The following BAIAP2L1 variants were observed in gnomAD, a reference collection of about 807,000 sequenced individuals.
The protein encoded by BAIAP2L1 is BAR/IMD domain-containing adapter protein 2-like 1.
A neutral mutation model predicts 66.3 loss-of-function variants in BAIAP2L1; 35 were observed. The ratio of observed to expected loss-of-function variants is 0.53; its 90% CI spans 0.40 to 0.70. BAIAP2L1 has a LOEUF of 0.70. BAIAP2L1 is among the 30% of genes least tolerant of loss of function. BAIAP2L1 has a pLI of 0.00. For missense variants in BAIAP2L1, 622 were observed against 656.9 expected, an observed-to-expected ratio of 0.95 and a Z score of 0.58; for synonymous variants, 269 against 248.7, an observed-to-expected ratio of 1.08 and a Z score of -0.77.
intron 9 of BAIAP2L1, 157 bp from the exon 10 acceptor site, chr7:98,308,053 G>A (rs1800727726): frequency 1.3e-6 from 1 of 761,544 alleles, no homozygotes; most frequent in African/African-American, 1.7e-5. Context: ...TTTGATCATT[G>A]CCCAGAAGGA....
At chr7:98,325,780 T>G (rs1446795402) in intron 3 of BAIAP2L1, among the ~76,000 whole-genome samples, 1 of 152,066 alleles carries the variant, frequency 6.6e-6, no homozygotes, top group East Asian at 1.9e-4. Context: ...GAGAAAACAG[T>G]GGAAGTAAAA....
chr7:98,344,188 A>G (rs1054309177), intron 3 of BAIAP2L1, among the ~76,000 whole-genome samples: 1 of 152,106 alleles, frequency 6.6e-6, no homozygotes, highest in Non-Finnish European at 1.5e-5. Flanking sequence ...AAAAACAAAC[A>G]AACAACTTTC....
chr7:98,296,398 G>A (rs1800193352), intron 12 of BAIAP2L1, among the ~76,000 whole-genome samples: 1 of 152,202 alleles, frequency 6.6e-6, no homozygotes, highest in Non-Finnish European at 1.5e-5. Flanking sequence ...GGCTGAGGTG[G>A]GCGCATCACC....
At chr7:98,328,679 C>CAAAAA (rs1158387861) in intron 3 of BAIAP2L1, among the ~76,000 whole-genome samples, 1 of 56,670 alleles carries the variant, frequency 1.8e-5, no homozygotes, top group African/African-American at 6.3e-5. Context: ...GATCCCATCT[C>CAAAAA]AAAAAAAAAA....
intron 1 of BAIAP2L1, among the ~76,000 whole-genome samples, chr7:98,400,580 T>C (rs1584515252): frequency 2.0e-5 from 1 of 50,030 alleles, no homozygotes; most frequent in Admixed American, 2.6e-4. Flanking sequence ...GGAGGAAAAG[T>C]AGGGGGGAGG....
In BAIAP2L1 at chr7:98,393,175, A is replaced by ACACATATGTG. The variant is rs1554341929; in HGVS notation, c.51+7626_51+7627insCACATATGTG. Among the ~76,000 whole-genome samples, 520 of 138,124 alleles carry ACACATATGTG rather than the reference A, an allele frequency of 3.8e-3. 14 individuals carry two copies. Among genetic ancestry groups the ACACATATGTG allele is most frequent in the African/African-American group, 0.013 (490 of 37,180 alleles). The allele number at this position is 138,124 out of a possible 152,430, so 90.6% of individuals were successfully genotyped here. A position where few individuals can be genotyped will look rare whatever the true frequency, so the allele number is the denominator to read the frequency against. On this transcript the variant is annotated intron_variant, in intron 1 of 13. Coordinates refer to ENST00000005260, the MANE Select transcript of BAIAP2L1 (RefSeq NM_018842.5). ...TATATGTACACATATATGTATATAT[A>ACACATATGTG]TACATATATGTGTGTGTTTATATAT... is the stretch of plus-strand genomic sequence containing the variant.
intron 11 of BAIAP2L1, among the ~76,000 whole-genome samples, chr7:98,305,968 C>T (rs2116850553): frequency 6.6e-6 from 1 of 152,206 alleles, no homozygotes. Flanking sequence ...GGGTGACTCC[C>T]AAGAACACTG....
chr7:98,316,957 A>AGC (rs1801093132), intron 6 of BAIAP2L1, among the ~76,000 whole-genome samples: 1 of 125,888 alleles, frequency 7.9e-6, no homozygotes, highest in Non-Finnish European at 1.7e-5. Flanking sequence ...TCTGCCTCCC[A>AGC]AGTTCAAGCA....
rs1039601389 is a variant in BAIAP2L1, at chr7:98,385,727, T to A, written c.51+15075A>T. On this transcript the variant is annotated intron_variant, in intron 1 of 13. Transcript: ENST00000005260. ...CCACACCCAGCCAGGAATCAACATT[T>A]CTTTTTTTTGTTGTTTTTTTTTTCA... The A allele has an allele frequency of 3.7e-5, 45 of 1,203,320 alleles. No homozygotes were observed. In the Admixed American group the frequency reaches 1.1e-3, roughly 28 times the overall value. The allele number at this position is 1,203,320 out of a possible 1,614,324, so 74.5% of individuals were successfully genotyped here. A position where few individuals can be genotyped will look rare whatever the true frequency, so the allele number is the denominator to read the frequency against.
chr7:98,328,898 G>C (rs527839778), intron 3 of BAIAP2L1, among the ~76,000 whole-genome samples: 1 of 152,012 alleles, frequency 6.6e-6, no homozygotes, highest in Non-Finnish European at 1.5e-5. Flanking sequence ...CCCCAGTCCC[G>C]GAGTCCTCAA....
intron 3 of BAIAP2L1, among the ~76,000 whole-genome samples, chr7:98,343,260 CACACACACACACACACACACACACACAG>C (rs1801788715): frequency 1.3e-5 from 2 of 149,298 alleles, no homozygotes; most frequent in South Asian, 2.1e-4. Flanking sequence ...CACACACACA[CACACACACACACACACACACACACACAG>C]ACACACACAC....
chr7:98,321,829 G>C (rs1446348106), intron 3 of BAIAP2L1, among the ~76,000 whole-genome samples: 1 of 152,182 alleles, frequency 6.6e-6, no homozygotes, highest in Non-Finnish European at 1.5e-5. Flanking sequence ...GGGTGTGGTG[G>C]CTCACGCCTG....
At chr7:98,337,917 CCAAA>C (rs71112140) in intron 3 of BAIAP2L1, among the ~76,000 whole-genome samples, 60,800 of 151,122 alleles carry the variant, frequency 0.4, 13,128 homozygotes, top group Middle Eastern at 0.55. Flanking sequence ...GACTCCATCT[CCAAA>C]CAAACAAACA....
chr7:98,383,330 C>G (rs1008090119), intron 1 of BAIAP2L1, among the ~76,000 whole-genome samples: 1 of 145,548 alleles, frequency 6.9e-6, no homozygotes, highest in African/African-American at 2.5e-5. Flanking sequence ...GTTGACCAGG[C>G]TGGAGTGCAA....
chr7:98,358,146 T>C (rs1000096763), intron 2 of BAIAP2L1, among the ~76,000 whole-genome samples: 1 of 152,188 alleles, frequency 6.6e-6, no homozygotes, highest in Non-Finnish European at 1.5e-5. Flanking sequence ...AATCACAATT[T>C]TTCATTAATT....
At chr7:98,398,141 T>C (rs962989883) in intron 1 of BAIAP2L1, among the ~76,000 whole-genome samples, 9 of 152,274 alleles carry the variant, frequency 5.9e-5, no homozygotes, top group African/African-American at 1.7e-4. Context: ...CAGGTGGCTT[T>C]TGTAAACACA....
At position 98,293,244 on chromosome 7, in the gene BAIAP2L1, A is replaced by G; in HGVS notation, c.*277T>C. The G allele has an allele frequency of 2.7e-6, 1 of 366,144 alleles. No individual in the cohort carries two copies. Among genetic ancestry groups the G allele is most frequent in the Non-Finnish European group, 4.9e-6 (1 of 202,964 alleles). The allele number at this position is 366,144 out of a possible 1,614,324, so 22.7% of individuals were successfully genotyped here. ...AAAAAATTCATTTAAAAAATACAGT[A>G]AAGATTGAAACCAAGTTTACTGTTT... On this transcript the variant is annotated 3_prime_UTR_variant, in exon 14 of 14. Coordinates refer to ENST00000005260, the MANE Select transcript of BAIAP2L1 (RefSeq NM_018842.5).
At chr7:98,322,299 C>T (rs772346685) in intron 3 of BAIAP2L1, among the ~76,000 whole-genome samples, 2 of 152,188 alleles carry the variant, frequency 1.3e-5, no homozygotes, top group Non-Finnish European at 2.9e-5. Flanking sequence ...GCCACCCAGG[C>T]TTCCCTTGTC....
Position 98,291,741 on chromosome 7 carries a change from C to T in BAIAP2L1, c.*1780G>A, listed in dbSNP as rs1799965610. ...TGCCAAGGACCAGGCCATGCCCGTTCTGGTCTGGGAGGCAGAACCTGGGGT... is the reference window on the plus strand; with the variant it reads ...TGCCAAGGACCAGGCCATGCCCGTTTTGGTCTGGGAGGCAGAACCTGGGGT... On this transcript the variant is annotated 3_prime_UTR_variant, in exon 14 of 14. Transcript: ENST00000005260. The T allele has an allele frequency of 2.3e-5, 4 of 177,512 alleles. No individual in the cohort carries two copies. In the South Asian group the frequency reaches 7.2e-4, roughly 32 times the overall value. 11.0% of individuals were successfully genotyped at this position (177,512 alleles called of 1,614,324 possible).
Sources: allele counts gnomAD v4.1 joint callset (sites outside exome capture counted in the v4.1 genomes callset), GRCh38; gene constraint gnomAD v4.1.1; transcripts MANE v1.5; gene names NCBI Gene and HGNC (gene_info 2026-07-23, HGNC 2026-07-21).